SLC35G2: variants seen among roughly 807,000 people sequenced by gnomAD.
The protein encoded by SLC35G2 is solute carrier family 35 member G2, also known as transmembrane protein 22.
A neutral mutation model predicts 27.2 loss-of-function variants in SLC35G2; 20 were observed. The observed-to-expected ratio is 0.74, with a 90% CI of 0.52 to 1.07. SLC35G2 has a LOEUF of 1.07. Ranked by LOEUF, SLC35G2 falls within the 50% of genes least tolerant of loss-of-function variation. The pLI, the probability that SLC35G2 is intolerant of heterozygous loss-of-function variation, is 0.00. For synonymous variants in SLC35G2, 148 were observed against 165.3 expected (o/e 0.90, Z 0.80); for missense variants, 416 against 493.3 (o/e 0.84, Z 1.48).
chr3:136,839,954 C>G (rs1459025049), intron 1 of SLC35G2, among the ~76,000 whole-genome samples: 2 of 152,184 alleles, frequency 1.3e-5, no homozygotes, highest in Non-Finnish European at 2.9e-5. Context: ...CAGACTGACA[C>G]AGCCCAGCAA....
At position 136,831,968 on chromosome 3, in the gene SLC35G2, G is replaced by A. The variant is rs112304612; in HGVS notation, c.-19+12340G>A. On this transcript the variant is annotated intron_variant, in intron 1 of 1. Coordinates refer to ENST00000446465, the MANE Select transcript of SLC35G2 (RefSeq NM_025246.3). ...ATTATTCCTGTTAGAGCTCTCAGGG[G>A]TTAACAAACTGTAAACTCTTTGTGT... Among the ~76,000 whole-genome samples the A allele has an allele frequency of 6.4e-3, 970 of 151,864 alleles. 8 individuals are homozygous for A. Among genetic ancestry groups the A allele is most frequent in the Non-Finnish European group, 9.4e-3 (638 of 67,988 alleles).
At chr3:136,829,033 C>A (rs991219814) in intron 1 of SLC35G2, among the ~76,000 whole-genome samples, 4 of 152,274 alleles carry the variant, frequency 2.6e-5, no homozygotes, top group African/African-American at 9.6e-5. Flanking sequence ...TTAACTTTAT[C>A]TCTCTGCTTT....
chr3:136,834,576 C>T (rs1252485899), intron 1 of SLC35G2, among the ~76,000 whole-genome samples: 5 of 152,132 alleles, frequency 3.3e-5, no homozygotes, highest in Admixed American at 6.6e-5. Context: ...GTGATCAGCC[C>T]GCCTTGGCCT....
intron 1 of SLC35G2, chr3:136,838,747 G>A (rs1248536274): frequency 6.6e-6 from 1 of 152,200 alleles, no homozygotes; most frequent in East Asian, 1.9e-4. Flanking sequence ...TTTGATAGTA[G>A]CTTCTGTTGA....
At chr3:136,850,123 C>T (rs183477294) in intron 1 of SLC35G2, among the ~76,000 whole-genome samples, 1 of 152,088 alleles carries the variant, frequency 6.6e-6, no homozygotes, top group African/African-American at 2.4e-5. Context: ...AAATAAATAA[C>T]TAAAAACAAA....
Position 136,819,546 on chromosome 3 carries a change from G to A in SLC35G2, c.-101G>A, listed in dbSNP as rs1003289946. ...GTTTCCCGTTTCTTTCCGCTGTCGC[G>A]TGTCTGGGCCCTCCTGCAGCGTCCA... is the stretch of plus-strand genomic sequence containing the variant. On this transcript the variant is annotated 5_prime_UTR_variant, in exon 1 of 2. In the 5' UTR this introduces an upstream ATG that the reference lacks. Transcript: ENST00000446465. The A allele has an allele frequency of 6.1e-5, 1 of 16,492 alleles. No homozygotes were observed. The highest frequency in any genetic ancestry group is 1.5e-4 in the African/African-American group (1 of 6,486). 1.0% of individuals were successfully genotyped at this position (16,492 alleles called of 1,614,324 possible).
intron 1 of SLC35G2, among the ~76,000 whole-genome samples, chr3:136,840,104 T>A (rs1402578037): frequency 2.0e-5 from 3 of 152,202 alleles, no homozygotes; most frequent in Non-Finnish European, 4.4e-5. Flanking sequence ...CTAGTCCAAC[T>A]AAGCAGCCTT....
chr3:136,853,232 A>G (rs1937762232), intron 1 of SLC35G2, among the ~76,000 whole-genome samples: 1 of 152,086 alleles, frequency 6.6e-6, no homozygotes, highest in African/African-American at 2.4e-5. Context: ...AGTAGCTGGA[A>G]TTACAGACAC....
In SLC35G2 at chr3:136,822,517, G is replaced by A. The variant is rs1015686478; in HGVS notation, c.-19+2889G>A. On this transcript the variant is annotated intron_variant, in intron 1 of 1. Transcript: ENST00000446465. ...TTTAGTAGAGATGGGGTTTCACCAC[G>A]TTTGCCAAGCTGGTCTCGAACTCCT... is the stretch of plus-strand genomic sequence containing the variant. Among the ~76,000 whole-genome samples, 27 of 152,270 alleles carry A rather than the reference G, an allele frequency of 1.8e-4. No homozygotes were observed. The East Asian group carries it at 2.9e-3, about 16-fold the overall frequency.
intron 1 of SLC35G2, among the ~76,000 whole-genome samples, chr3:136,847,180 AAATAAATAAAT>A (rs1278115002): frequency 2.0e-5 from 3 of 151,886 alleles, no homozygotes; most frequent in Non-Finnish European, 2.9e-5. Flanking sequence ...GTCTAAAAAT[AAATAAATAAAT>A]AATAAATAAA....
intron 1 of SLC35G2, among the ~76,000 whole-genome samples, chr3:136,849,006 C>A (rs1459353681): frequency 1.3e-5 from 2 of 151,896 alleles, no homozygotes; most frequent in Non-Finnish European, 1.5e-5. Flanking sequence ...ATGGAGAAAC[C>A]CTGTCTCTAC....
chr3:136,855,792 G>A lies in SLC35G2; in HGVS notation c.*93G>A, dbSNP rs1937995970. ...TGAATGTCTTTTGTGTTATATAACT[G>A]ACAGAGTGCTATAAAATATATAATA... On this transcript the variant is annotated 3_prime_UTR_variant, in exon 2 of 2. Transcript: ENST00000446465. 5 of 947,242 alleles carry A rather than the reference G, an allele frequency of 5.3e-6. No homozygotes were observed. The East Asian group carries it at 1.2e-4, about 24-fold the overall frequency. 58.7% of individuals were successfully genotyped at this position (947,242 alleles called of 1,614,324 possible). A position where few individuals can be genotyped will look rare whatever the true frequency, so the allele number is the denominator to read the frequency against.
At chr3:136,839,673 C>A (rs1560014088) in intron 1 of SLC35G2, among the ~76,000 whole-genome samples, 1 of 152,146 alleles carries the variant, frequency 6.6e-6, no homozygotes, top group Non-Finnish European at 1.5e-5. Flanking sequence ...ACCTTCTGCT[C>A]TTATTTATTT....
At chr3:136,854,193 G>T (rs1937834276) in intron 1 of SLC35G2, among the ~76,000 whole-genome samples, 1 of 152,178 alleles carries the variant, frequency 6.6e-6, no homozygotes. Context: ...ATAGAAGATA[G>T]AGCTGAATTA....
intron 1 of SLC35G2, among the ~76,000 whole-genome samples, chr3:136,836,638 G>A (rs1936878968): frequency 6.6e-6 from 1 of 152,216 alleles, no homozygotes; most frequent in Non-Finnish European, 1.5e-5. Flanking sequence ...CCCCAGAGAT[G>A]TGCCTTCCAT....
chr3:136,852,482 AT>A (rs902733588), intron 1 of SLC35G2, among the ~76,000 whole-genome samples: 3 of 149,682 alleles, frequency 2.0e-5, no homozygotes, highest in African/African-American at 4.9e-5. Flanking sequence ...AAAAAAAAAG[AT>A]TTTTTTTCTT....
At chr3:136,830,268 C>T (rs1293926435) in intron 1 of SLC35G2, among the ~76,000 whole-genome samples, 7 of 151,528 alleles carry the variant, frequency 4.6e-5, no homozygotes, top group Non-Finnish European at 8.8e-5. Context: ...ACCACCATGC[C>T]CAGCTACTTT....
chr3:136,832,790 C>T (rs1018266535), intron 1 of SLC35G2, among the ~76,000 whole-genome samples: 5 of 151,962 alleles, frequency 3.3e-5, no homozygotes, highest in South Asian at 4.2e-4. Flanking sequence ...GGACTGAGGC[C>T]GGGTGTGGTG....
At chr3:136,840,750 G>A (rs1271869613) in intron 1 of SLC35G2, among the ~76,000 whole-genome samples, 1 of 151,524 alleles carries the variant, frequency 6.6e-6, no homozygotes, top group Non-Finnish European at 1.5e-5. Context: ...CAGCCTCCCT[G>A]GTAGCTGGGA....
Sources: gnomAD v4.1 joint callset for allele counts (sites outside exome capture counted in the v4.1 genomes callset) on GRCh38, gnomAD v4.1.1 for gene constraint, MANE v1.5 for transcripts, NCBI Gene and HGNC (gene_info 2026-07-23, HGNC 2026-07-21) for gene names.